Variants in SNX8 observed in about 807,000 individuals in gnomAD.
SNX8 encodes sorting nexin 8.
A neutral mutation model predicts 51.6 loss-of-function variants in SNX8; 25 were observed. That is an observed-to-expected ratio of 0.48 (90% CI 0.35 to 0.68). The LOEUF is 0.68. Among genes scored for constraint, SNX8 ranks in the 30% least tolerant of loss-of-function variants. SNX8 has a pLI of 0.00. For missense variants in SNX8, 695 were observed against 624.0 expected, an observed-to-expected ratio of 1.11 and a Z score of -1.21; for synonymous variants, 324 against 277.0, an observed-to-expected ratio of 1.17 and a Z score of -1.68.
intron 1 of SNX8, among the ~76,000 whole-genome samples, chr7:2,345,045 C>T (rs1432428000): frequency 1.3e-5 from 2 of 152,100 alleles, no homozygotes; most frequent in African/African-American, 4.8e-5. Context: ...TGGAGAACAA[C>T]TTGTTAATGT....
At position 2,269,533 on chromosome 7, in the gene SNX8, AAAAAAG is replaced by A. The variant is rs1210438627; in HGVS notation, c.621+20_621+25del. 7.2e-7 allele frequency: 1 copy of A among 1,391,458 alleles called. No individual in the cohort carries two copies. Among genetic ancestry groups the A allele is most frequent in the Non-Finnish European group, 9.7e-7 (1 of 1,034,034 alleles). 86.2% of individuals were successfully genotyped at this position (1,391,458 alleles called of 1,614,324 possible). A position where few individuals can be genotyped will look rare whatever the true frequency, so the allele number is the denominator to read the frequency against. ...AATAAAAAAATAAATTAAAAAAAAA[AAAAAAG>A]AAAAAAAAAAGAAAAATACCTTGGC... On this transcript the variant is annotated intron_variant, in intron 5 of 10. Coordinates refer to ENST00000222990, the MANE Select transcript of SNX8 (RefSeq NM_013321.4).
intron 1 of SNX8, among the ~76,000 whole-genome samples, chr7:2,299,863 C>G (rs999585887): frequency 6.6e-6 from 1 of 152,016 alleles, no homozygotes; most frequent in African/African-American, 2.4e-5. Flanking sequence ...AAGGTCCCTC[C>G]AAGAAAATTC....
chr7:2,273,054 G>T (rs1002348919), intron 3 of SNX8, among the ~76,000 whole-genome samples: 1 of 149,900 alleles, frequency 6.7e-6, no homozygotes, highest in Non-Finnish European at 1.5e-5. Context: ...TGCTGGTCTC[G>T]AACTCCTGAC....
At chr7:2,318,907 C>G (rs541906238), upstream of SNX8, among the ~76,000 whole-genome samples, 1 of 151,676 alleles carries the variant, frequency 6.6e-6, no homozygotes, top group East Asian at 1.9e-4. Flanking sequence ...ACCCTGAAGG[C>G]CAAGGCAAGA....
chr7:2,341,127 G>A (rs1361838004), intron 1 of SNX8, among the ~76,000 whole-genome samples: 1 of 145,818 alleles, frequency 6.9e-6, no homozygotes, highest in Non-Finnish European at 1.5e-5. Flanking sequence ...CTGTGATCAC[G>A]CCATTCACTC....
chr7:2,279,762 GA>G (rs796698660), intron 1 of SNX8, among the ~76,000 whole-genome samples: 21,056 of 95,318 alleles, frequency 0.22, 1,457 homozygotes, highest in Middle Eastern at 0.35. Context: ...CAAAAAAAAA[GA>G]AAAAAAAAAA....
chr7:2,352,028 C>T (rs1039566369), intron 1 of SNX8, among the ~76,000 whole-genome samples: 2 of 151,034 alleles, frequency 1.3e-5, no homozygotes, highest in South Asian at 4.2e-4. Flanking sequence ...CCGCCTCAGC[C>T]TCCTGAGTAG....
In SNX8 at chr7:2,337,708, C is replaced by G. The variant is rs1356983730; in HGVS notation, c.-66+16514G>C. 7.3e-5 allele frequency among the ~76,000 whole-genome samples: 11 copies of G among 151,524 alleles called. No homozygotes were observed. In the Admixed American group the frequency reaches 7.3e-4, roughly 10 times the overall value. ...ACATGAAAGATTGAGAATTAATTAG[C>G]TCAGGGTCAATTTTAGATGTTAGTT... On this transcript the variant is annotated intron_variant, in intron 1 of 5. Coordinates refer to the SNX8 transcript ENST00000435336.
intron 1 of SNX8, among the ~76,000 whole-genome samples, chr7:2,322,315 T>C (rs972154784): frequency 1.3e-5 from 2 of 151,906 alleles, no homozygotes; most frequent in Non-Finnish European, 2.9e-5. Flanking sequence ...GGAGAAGTGC[T>C]TCAGTCCAGG....
intron 1 of SNX8, among the ~76,000 whole-genome samples, chr7:2,343,183 G>C (rs1778964368): frequency 6.6e-6 from 1 of 151,744 alleles, no homozygotes; most frequent in Non-Finnish European, 1.5e-5. Context: ...CACCCACCTT[G>C]GCCTCCCAAA....
Position 2,283,931 on chromosome 7 carries a change from GA to G in SNX8, c.95-5627del, listed in dbSNP as rs367848841. Among the ~76,000 whole-genome samples, 255 of 152,286 alleles carry G rather than the reference GA, an allele frequency of 1.7e-3. 2 individuals carry two copies. The highest frequency in any genetic ancestry group is 6.0e-3 in the African/African-American group (248 of 41,568). On this transcript the variant is annotated intron_variant, in intron 1 of 10. Coordinates refer to ENST00000222990, the MANE Select transcript of SNX8 (RefSeq NM_013321.4). ...ATGCCTCAACCTCCCGAGTAGCTGG[GA>G]TTACAGGCATGTGCCACCATACCTG...
At chr7:2,272,907 C>A (rs191286106) in intron 3 of SNX8, among the ~76,000 whole-genome samples, 255 of 152,176 alleles carry the variant, frequency 1.7e-3, no homozygotes, top group African/African-American at 5.6e-3. Context: ...CATCTCGGCT[C>A]ACTGCAACCT....
chr7:2,268,799 A>G (rs1795561830), intron 5 of SNX8, among the ~76,000 whole-genome samples: 1 of 15,520 alleles, frequency 6.4e-5, no homozygotes, highest in African/African-American at 1.4e-4. Context: ...GGCCGCCCCT[A>G]CTGGGAAGTG....
intron 1 of SNX8, among the ~76,000 whole-genome samples, chr7:2,339,290 C>T (rs1778881453): frequency 6.6e-6 from 1 of 152,096 alleles, no homozygotes; most frequent in Non-Finnish European, 1.5e-5. Flanking sequence ...ACTGCAACCT[C>T]CACCTCCTGG....
chr7:2,348,338 C>CTTTTTTTTTTTTTT (rs59761780), intron 1 of SNX8, among the ~76,000 whole-genome samples: 1 of 93,676 alleles, frequency 1.1e-5, no homozygotes, highest in Non-Finnish European at 2.2e-5. Context: ...TTCTTTCTTT[C>CTTTTTTTTTTTTTT]TTTTTTTTTT....
At chr7:2,341,213 A>G (rs540955262) in intron 1 of SNX8, among the ~76,000 whole-genome samples, 1 of 151,968 alleles carries the variant, frequency 6.6e-6, no homozygotes, top group Non-Finnish European at 1.5e-5. Context: ...AAGAAAAGAA[A>G]AAAGAAAATA....
chr7:2,343,709 A>C (rs2115247456), intron 1 of SNX8, among the ~76,000 whole-genome samples: 1 of 152,092 alleles, frequency 6.6e-6, no homozygotes, highest in East Asian at 1.9e-4. Flanking sequence ...TTATCTTCCC[A>C]CTGTAGAAGG....
chr7:2,311,468 C>A (rs1369632208), intron 1 of SNX8, among the ~76,000 whole-genome samples: 1 of 152,144 alleles, frequency 6.6e-6, no homozygotes, highest in Non-Finnish European at 1.5e-5. Flanking sequence ...GGCGATCCTC[C>A]CTCCTCAGCC....
At chr7:2,316,602 C>G (rs1335853205), upstream of SNX8, among the ~76,000 whole-genome samples, 2 of 151,530 alleles carry the variant, frequency 1.3e-5, no homozygotes, top group Non-Finnish European at 2.9e-5. Flanking sequence ...CCCACTCACT[C>G]ACGCACTGCA....
Sources: allele counts gnomAD v4.1 joint callset (sites outside exome capture counted in the v4.1 genomes callset), GRCh38; gene constraint gnomAD v4.1.1; transcripts MANE v1.5; gene names NCBI Gene and HGNC (gene_info 2026-07-23, HGNC 2026-07-21).